The following PCSK5 variants were observed in gnomAD, a reference collection of about 807,000 sequenced individuals.
PCSK5 encodes the protein proprotein convertase subtilisin/kexin type 5, also known as prohormone convertase 5.
A neutral mutation model predicts 233.2 loss-of-function variants in PCSK5; 129 were observed. The ratio of observed to expected loss-of-function variants is 0.55; its 90% CI spans 0.48 to 0.64. The LOEUF (loss-of-function observed/expected upper bound fraction) is 0.64. Ranked by LOEUF, PCSK5 falls within the 30% of genes least tolerant of loss-of-function variation. The probability of loss-of-function intolerance (pLI) is 0.00; values close to 1 mark genes in which losing one functional copy is unlikely to be tolerated. For missense variants in PCSK5, 2,076 were observed against 2,430.1 expected (o/e 0.85, Z 3.06); for synonymous variants, 825 against 879.2 (o/e 0.94, Z 1.09).
intron 12 of PCSK5, among the ~76,000 whole-genome samples, chr9:76,161,620 C>T (rs918526209): frequency 6.6e-6 from 1 of 152,168 alleles, no homozygotes; most frequent in African/African-American, 2.4e-5. Flanking sequence ...AACTCAACCT[C>T]TTCAGCCTGT....
intron 9 of PCSK5, among the ~76,000 whole-genome samples, chr9:76,119,156 T>A: frequency 6.6e-6 from 1 of 152,078 alleles, no homozygotes; most frequent in Admixed American, 6.6e-5. Flanking sequence ...CAAAAGTGTG[T>A]TTCAAAGTCA....
intron 5 of PCSK5, among the ~76,000 whole-genome samples, chr9:76,052,924 G>A (rs1829683720): frequency 6.6e-6 from 1 of 152,206 alleles, no homozygotes; most frequent in Admixed American, 6.5e-5. Flanking sequence ...TGGGTCCCAT[G>A]TAAGTCTCAA....
At chr9:75,920,804 T>A (rs768149145) in intron 1 of PCSK5, among the ~76,000 whole-genome samples, 1 of 151,546 alleles carries the variant, frequency 6.6e-6, no homozygotes, top group Non-Finnish European at 1.5e-5. Flanking sequence ...AGACTCTGCC[T>A]CCAAAAAAAT....
intron 2 of PCSK5, among the ~76,000 whole-genome samples, chr9:75,981,802 A>G (rs1563953266): frequency 6.6e-6 from 1 of 152,130 alleles, no homozygotes; most frequent in Non-Finnish European, 1.5e-5. Context: ...GGCATAAACC[A>G]TCCTCCTGCC....
chr9:76,119,523 A>G (rs1832553908), intron 9 of PCSK5, among the ~76,000 whole-genome samples: 9 of 152,072 alleles, frequency 5.9e-5, no homozygotes, highest in Admixed American at 5.9e-4. Context: ...CCTGTACCTT[A>G]GGGGAATTCA....
At chr9:76,075,852 G>A (rs776611475) in intron 7 of PCSK5, among the ~76,000 whole-genome samples, 1 of 152,118 alleles carries the variant, frequency 6.6e-6, no homozygotes, top group Admixed American at 6.5e-5. Flanking sequence ...TAAGCTTAGC[G>A]AGCTCCCACT....
intron 35 of PCSK5, 50 bp downstream of exon 35, chr9:76,338,497 T>G: frequency 2.2e-6 from 3 of 1,352,824 alleles, no homozygotes; most frequent in Non-Finnish European, 3.1e-6. Context: ...AATGAAAAGG[T>G]TTTCTTCCTT....
intron 8 of PCSK5, among the ~76,000 whole-genome samples, chr9:76,106,823 G>A (rs184447058): frequency 2.6e-5 from 4 of 152,316 alleles, no homozygotes; most frequent in Non-Finnish European, 5.9e-5. Context: ...CTTTTATTCT[G>A]TATGTTGCCA....
intron 32 of PCSK5, among the ~76,000 whole-genome samples, chr9:76,324,202 AAGCGTG>A (rs1242528642): frequency 6.6e-6 from 1 of 151,756 alleles, no homozygotes; most frequent in Non-Finnish European, 1.5e-5. Flanking sequence ...CTGGGATAAT[AAGCGTG>A]AGCCATGGCG....
chr9:75,998,892 A>G (rs1449612493), intron 3 of PCSK5, among the ~76,000 whole-genome samples: 1 of 152,170 alleles, frequency 6.6e-6, no homozygotes, highest in African/African-American at 2.4e-5. Context: ...ACTACTTTTC[A>G]TAAAACCATA....
At chr9:76,096,208 C>CAG in intron 8 of PCSK5, 106 bp downstream of exon 8, 1 of 690,982 alleles carries the variant, frequency 1.4e-6, no homozygotes, top group Non-Finnish European at 2.5e-6. Context: ...CACACACACA[C>CAG]ACACACAGAA....
intron 9 of PCSK5, among the ~76,000 whole-genome samples, chr9:76,120,475 C>A (rs1832590469): frequency 6.6e-6 from 1 of 151,992 alleles, no homozygotes; most frequent in Non-Finnish European, 1.5e-5. Flanking sequence ...TTTAGATCTT[C>A]TTTTTATTGG....
In PCSK5 at chr9:76,013,610, T is replaced by C. The variant is rs983870138; in HGVS notation, c.412-10128T>C. Among the ~76,000 whole-genome samples, 93 of 152,206 alleles carry C rather than the reference T, an allele frequency of 6.1e-4. 1 individual carries two copies. Among genetic ancestry groups the C allele is most frequent in the Non-Finnish European group, 8.1e-4 (55 of 68,030 alleles). ...CTATTTATTTGTCTTTCTTTCCGTCTGTTAATTCGTCCATTCACCCATTCA... is the reference window on the plus strand; with the variant it reads ...CTATTTATTTGTCTTTCTTTCCGTCCGTTAATTCGTCCATTCACCCATTCA... On this transcript the variant is annotated intron_variant, in intron 3 of 37. Transcript: ENST00000674117.
chr9:76,349,134 C>T (rs145703921), intron 35 of PCSK5, among the ~76,000 whole-genome samples: 16,720 of 150,702 alleles, frequency 0.11, 1,000 homozygotes, highest in East Asian at 0.2. Context: ...ATTAGCTGGG[C>T]GTGGTGGCGG....
chr9:76,134,321 C>G (rs1822885282), intron 10 of PCSK5, 109 bp downstream of exon 10: 1 of 621,898 alleles, frequency 1.6e-6, no homozygotes, highest in South Asian at 2.3e-5. Flanking sequence ...AAACTTTGTG[C>G]TGACAAACAA....
At chr9:76,141,243 T>C (rs570209934) in intron 10 of PCSK5, among the ~76,000 whole-genome samples, 1 of 151,902 alleles carries the variant, frequency 6.6e-6, no homozygotes, top group South Asian at 2.1e-4. Context: ...GTCAAGAGAG[T>C]CTTAGCAAAG....
chr9:76,115,905 C>A (rs1322024489), intron 9 of PCSK5, among the ~76,000 whole-genome samples: 3 of 152,034 alleles, frequency 2.0e-5, no homozygotes, highest in Non-Finnish European at 2.9e-5. Flanking sequence ...GCTACATTGT[C>A]TTGCCCTATA....
chr9:76,294,182 G>A (rs1828364636), intron 25 of PCSK5, among the ~76,000 whole-genome samples: 1 of 144,088 alleles, frequency 6.9e-6, no homozygotes. Flanking sequence ...CAGTGACAGG[G>A]AGATTTAGTC....
intron 20 of PCSK5, among the ~76,000 whole-genome samples, chr9:76,208,849 G>A (rs549201870): frequency 1.3e-5 from 2 of 152,270 alleles, no homozygotes; most frequent in South Asian, 4.1e-4. Context: ...GAATTTATTT[G>A]AAAATGTTTG....
Sources: gnomAD v4.1 joint callset for allele counts (sites outside exome capture counted in the v4.1 genomes callset) on GRCh38, gnomAD v4.1.1 for gene constraint, MANE v1.5 for transcripts, NCBI Gene and HGNC (gene_info 2026-07-23, HGNC 2026-07-21) for gene names.